EPB41L4A: variants seen among roughly 807,000 people sequenced by gnomAD.
EPB41L4A encodes erythrocyte membrane protein band 4.1 like 4A, also known as band 4.1-like protein 4A.
Under a neutral mutation model 108.6 loss-of-function variants are expected in EPB41L4A, and 100 were observed. The ratio of observed to expected loss-of-function variants is 0.92; its 90% CI spans 0.78 to 1.09. The LOEUF is 1.09. Ranked by LOEUF, EPB41L4A falls within the 50% of genes least tolerant of loss-of-function variation. The pLI is 0.00. For missense variants in EPB41L4A, 1,030 were observed against 842.7 expected (o/e 1.22, Z -2.75); for synonymous variants, 319 against 289.0 (o/e 1.10, Z -1.05).
intron 2 of EPB41L4A, among the ~76,000 whole-genome samples, chr5:112,280,752 C>A (rs1399359622): frequency 6.6e-6 from 1 of 152,204 alleles, no homozygotes; most frequent in Non-Finnish European, 1.5e-5. Context: ...TATAATGTGA[C>A]ATCCAAATGC....
chr5:112,233,711 G>A (rs1749124493), intron 12 of EPB41L4A, among the ~76,000 whole-genome samples: 1 of 152,066 alleles, frequency 6.6e-6, no homozygotes, highest in Non-Finnish European at 1.5e-5. Context: ...ATGCCCAGAA[G>A]TGCTGTTTTT....
chr5:112,279,569 T>A (rs889779279), intron 3 of EPB41L4A, among the ~76,000 whole-genome samples: 1 of 152,198 alleles, frequency 6.6e-6, no homozygotes, highest in South Asian at 2.1e-4. Context: ...ACAAAAATGG[T>A]TAAAAGGATC....
intron 3 of EPB41L4A, among the ~76,000 whole-genome samples, chr5:112,277,546 T>C (rs1230561125): frequency 1.3e-5 from 2 of 152,096 alleles, no homozygotes; most frequent in African/African-American, 2.4e-5. Flanking sequence ...CAACAAAAAC[T>C]TGGGAACATA....
At chr5:112,247,735 A>G (rs1029191882) in intron 9 of EPB41L4A, among the ~76,000 whole-genome samples, 21 of 152,186 alleles carry the variant, frequency 1.4e-4, no homozygotes, top group Non-Finnish European at 2.9e-5. Context: ...GAGTCTTCCA[A>G]AAGTCTTGGA....
intron 12 of EPB41L4A, among the ~76,000 whole-genome samples, chr5:112,217,743 A>G (rs1747755313): frequency 6.6e-6 from 1 of 152,160 alleles, no homozygotes; most frequent in African/African-American, 2.4e-5. Flanking sequence ...CAAGAGTGAT[A>G]TTTAAGCAGT....
At chr5:112,208,040 G>C (rs1762553234) in intron 13 of EPB41L4A, among the ~76,000 whole-genome samples, 1 of 152,168 alleles carries the variant, frequency 6.6e-6, no homozygotes, top group African/African-American at 2.4e-5. Context: ...GAGGTCAAGA[G>C]ATGCAGACCA....
chr5:112,379,549 T>C (rs1388476057), intron 1 of EPB41L4A, among the ~76,000 whole-genome samples: 1 of 152,160 alleles, frequency 6.6e-6, no homozygotes, highest in Non-Finnish European at 1.5e-5. Context: ...ACTCTGATCA[T>C]CCTGGAGTTT....
intron 1 of EPB41L4A, among the ~76,000 whole-genome samples, chr5:112,317,804 A>G (rs140183309): frequency 1.0e-3 from 154 of 152,316 alleles, no homozygotes; most frequent in Non-Finnish European, 1.8e-3. Flanking sequence ...ATTTTTGTTG[A>G]CAAGTAATTT....
chr5:112,350,287 G>C (rs1189592829), intron 1 of EPB41L4A, among the ~76,000 whole-genome samples: 1 of 152,112 alleles, frequency 6.6e-6, no homozygotes, highest in Non-Finnish European at 1.5e-5. Context: ...TACAGCTAAG[G>C]TCTCACTCCC....
At chr5:112,334,526 C>A (rs1241439078) in intron 1 of EPB41L4A, among the ~76,000 whole-genome samples, 2 of 152,158 alleles carry the variant, frequency 1.3e-5, no homozygotes, top group East Asian at 3.8e-4. Context: ...CCAGACACTC[C>A]TTTCTATTGA....
At chr5:112,215,671 G>A (rs1580450957) in intron 12 of EPB41L4A, among the ~76,000 whole-genome samples, 1 of 148,120 alleles carries the variant, frequency 6.8e-6, no homozygotes, top group African/African-American at 2.5e-5. Context: ...GGTGAGGCAG[G>A]AGAATGGCGT....
At chr5:112,253,043 G>T (rs921219037) in intron 9 of EPB41L4A, among the ~76,000 whole-genome samples, 20 of 152,238 alleles carry the variant, frequency 1.3e-4, no homozygotes, top group Admixed American at 5.9e-4. Flanking sequence ...AGTAGAAGAC[G>T]ATCAGGCAAG....
At position 112,165,119 on chromosome 5, in the gene EPB41L4A, C is replaced by CTCAAA; in HGVS notation, c.1933-2_1933-1insTTTGA. On this transcript the variant is annotated splice_acceptor_variant, in intron 22 of 22. Transcript: ENST00000261486. LOFTEE classifies it high-confidence loss of function. ...GGCTATCTTTAGACCCATTTCTTCT[C>CTCAAA]TAAAATATATTTGAAAAATGTAGAA... The CTCAAA allele has an allele frequency of 2.4e-6, 2 of 844,820 alleles. No individual in the cohort carries two copies. Among genetic ancestry groups the CTCAAA allele is most frequent in the African/African-American group, 5.5e-5 (1 of 18,224 alleles). The allele number at this position is 844,820 out of a possible 1,614,324, so 52.3% of individuals were successfully genotyped here. A position where few individuals can be genotyped will look rare whatever the true frequency, so the allele number is the denominator to read the frequency against.
intron 1 of EPB41L4A, among the ~76,000 whole-genome samples, chr5:112,322,785 G>C (rs1392064065): frequency 6.6e-6 from 1 of 151,668 alleles, no homozygotes; most frequent in Non-Finnish European, 1.5e-5. Context: ...TTTTGCCACT[G>C]CTCCAGAGTG....
chr5:112,418,172 G>A (rs1762826324), intron 1 of EPB41L4A, among the ~76,000 whole-genome samples: 1 of 152,182 alleles, frequency 6.6e-6, no homozygotes, highest in African/African-American at 2.4e-5. Context: ...TCTCCTTTAG[G>A]TAGTTAACAC....
intron 2 of EPB41L4A, among the ~76,000 whole-genome samples, chr5:112,284,404 G>C (rs1345804174): frequency 6.6e-6 from 1 of 152,080 alleles, no homozygotes; most frequent in African/African-American, 2.4e-5. Flanking sequence ...TCTCTGAATT[G>C]TACCCTGGTG....
intron 1 of EPB41L4A, among the ~76,000 whole-genome samples, chr5:112,416,321 G>A (rs1341640733): frequency 6.6e-6 from 1 of 151,940 alleles, no homozygotes; most frequent in African/African-American, 2.4e-5. Flanking sequence ...CTAATTCACA[G>A]TGCATTACTG....
intron 1 of EPB41L4A, among the ~76,000 whole-genome samples, chr5:112,317,665 A>G (rs1055866784): frequency 6.6e-6 from 1 of 152,250 alleles, no homozygotes; most frequent in Non-Finnish European, 1.5e-5. Context: ...TGATGCATAA[A>G]GTAGCTATGA....
chr5:112,265,903 T>C (rs4957640), intron 5 of EPB41L4A, among the ~76,000 whole-genome samples: 9,613 of 152,192 alleles, frequency 0.063, 360 homozygotes, highest in Middle Eastern at 0.088. Flanking sequence ...CTCTGACACA[T>C]AGAAGCTTGG....
Sources: gnomAD v4.1 joint callset for allele counts (sites outside exome capture counted in the v4.1 genomes callset) on GRCh38, gnomAD v4.1.1 for gene constraint, MANE v1.5 for transcripts, NCBI Gene and HGNC (gene_info 2026-07-23, HGNC 2026-07-21) for gene names.